Variants in NUTF2 observed in about 807,000 individuals in gnomAD.
NUTF2 encodes nuclear transport factor 2, also known as placental protein 15.
A neutral mutation model predicts 18.5 loss-of-function variants in NUTF2; 3 were observed. The ratio of observed to expected loss-of-function variants is 0.16; its 90% CI spans 0.07 to 0.42. The LOEUF (loss-of-function observed/expected upper bound fraction) is 0.42, where lower values mean the gene tolerates loss of function less well. Ranked by LOEUF, NUTF2 falls within the 10% of genes least tolerant of loss-of-function variation. NUTF2 has a pLI of 0.99. For synonymous variants in NUTF2, 51 were observed against 57.9 expected (o/e 0.88, Z 0.54); for missense variants, 44 against 160.7 (o/e 0.27, Z 3.93).
chr16:67,872,523 A>G lies in NUTF2; in HGVS notation c.*1610A>G, dbSNP rs1292016226. 1 of 152,242 alleles carries G rather than the reference A, an allele frequency of 6.6e-6. No individual in the cohort carries two copies. The highest frequency in any genetic ancestry group is 2.4e-5 in the African/African-American group (1 of 41,444). 9.4% of individuals were successfully genotyped at this position (152,242 alleles called of 1,614,324 possible). ...TAAAATCTGCAATACGGCTTCTTCCATGTACCTGTGCCTGAACTGTCTGCA... is the reference window on the plus strand; with the variant it reads ...TAAAATCTGCAATACGGCTTCTTCCGTGTACCTGTGCCTGAACTGTCTGCA... On this transcript the variant is annotated 3_prime_UTR_variant, in exon 5 of 5. Transcript: ENST00000219169.
chr16:67,852,979 G>T (rs988889812), intron 1 of NUTF2, among the ~76,000 whole-genome samples: 1 of 151,988 alleles, frequency 6.6e-6, no homozygotes, highest in East Asian at 1.9e-4. Context: ...CACCGCTCCC[G>T]GCCCTTTTTT....
At chr16:67,862,467 G>A (rs537610768) in intron 1 of NUTF2, among the ~76,000 whole-genome samples, 1 of 152,250 alleles carries the variant, frequency 6.6e-6, no homozygotes, top group East Asian at 1.9e-4. Context: ...CCAGGCCAAA[G>A]GGTCTTTCTC....
At chr16:67,864,987 A>C (rs755027411) in intron 1 of NUTF2, 115 bp from the exon 2 acceptor site, 2 of 602,664 alleles carry the variant, frequency 3.3e-6, no homozygotes, top group Admixed American at 5.6e-5. Flanking sequence ...GTGTTCTCTG[A>C]GAGAACAGAT....
chr16:67,848,030 A>G (rs1450724261), intron 1 of NUTF2, among the ~76,000 whole-genome samples: 2 of 152,194 alleles, frequency 1.3e-5, no homozygotes, highest in African/African-American at 4.8e-5. Context: ...TCACTTCCCA[A>G]CAACTGGAGC....
intron 2 of NUTF2, among the ~76,000 whole-genome samples, 180 bp from the exon 3 acceptor site, chr16:67,868,160 T>C (rs1364765770): frequency 1.3e-5 from 2 of 152,008 alleles, no homozygotes; most frequent in Non-Finnish European, 2.9e-5. Flanking sequence ...CCAGGGTCAA[T>C]GGGGTAGAAG....
At chr16:67,865,693 C>G (rs1424211489) in intron 2 of NUTF2, among the ~76,000 whole-genome samples, 1 of 151,702 alleles carries the variant, frequency 6.6e-6, no homozygotes, top group African/African-American at 2.4e-5. Flanking sequence ...TTCACAAACC[C>G]TTCTATGCAG....
rs551980046 is a variant in NUTF2 at position 67,870,936 on chromosome 16, C to T, written c.*23C>T. 113 of 1,513,166 alleles carry T rather than the reference C, an allele frequency of 7.5e-5. 1 individual carries two copies. The highest frequency in any genetic ancestry group is 5.1e-4 in the Middle Eastern group (3 of 5,862). 93.7% of individuals were successfully genotyped at this position (1,513,166 alleles called of 1,614,324 possible). ...TGACCTCCTCTCAGCTAGGCACTCA[C>T]GCTGTTTCCTCCTCCCTCCTCTTCC... On this transcript the variant is annotated 3_prime_UTR_variant, in exon 5 of 5. Transcript: ENST00000219169.
chr16:67,857,772 A>T (rs987082180), intron 1 of NUTF2, among the ~76,000 whole-genome samples: 6 of 152,224 alleles, frequency 3.9e-5, no homozygotes, highest in Admixed American at 1.3e-4. Flanking sequence ...GGACCTTGGG[A>T]ATGAGAGAGT....
chr16:67,867,093 T>A (rs1036925663), intron 2 of NUTF2, among the ~76,000 whole-genome samples: 1 of 151,882 alleles, frequency 6.6e-6, no homozygotes, highest in Non-Finnish European at 1.5e-5. Flanking sequence ...TGCCTCAGCC[T>A]CCCAAGTAGC....
At chr16:67,855,881 T>C in intron 1 of NUTF2, 1 of 419,082 alleles carries the variant, frequency 2.4e-6, no homozygotes, top group Non-Finnish European at 4.4e-6. Context: ...CCCGATTTTT[T>C]TTTGGCGGGG....
At chr16:67,852,351 C>CTT (rs75813171) in intron 1 of NUTF2, among the ~76,000 whole-genome samples, 3 of 140,644 alleles carry the variant, frequency 2.1e-5, no homozygotes. Flanking sequence ...ATCTTTTTTT[C>CTT]TTTTTTTTTT....
chr16:67,851,300 G>A (rs1223686580), intron 1 of NUTF2, among the ~76,000 whole-genome samples: 1 of 151,732 alleles, frequency 6.6e-6, no homozygotes, highest in Non-Finnish European at 1.5e-5. Context: ...GGCCAATATA[G>A]TGAAACTCTG....
At chr16:67,849,815 C>G (rs933118101) in intron 1 of NUTF2, among the ~76,000 whole-genome samples, 1 of 152,044 alleles carries the variant, frequency 6.6e-6, no homozygotes. Context: ...CCCACCACCA[C>G]GCCCAGCTAA....
At position 67,858,803 on chromosome 16, in the gene NUTF2, G is replaced by A. The variant is rs141689218; in HGVS notation, c.-29-6299G>A. Reference sequence around the variant, plus strand: ...CACCCCTCCTCAGACCATAAAATCGGGGGACTTCCAGAAGGACTGACACCC... The same window carrying A: ...CACCCCTCCTCAGACCATAAAATCGAGGGACTTCCAGAAGGACTGACACCC... On this transcript the variant is annotated intron_variant, in intron 1 of 4. Coordinates refer to ENST00000219169, the MANE Select transcript of NUTF2 (RefSeq NM_005796.3). 5.6e-3 allele frequency among the ~76,000 whole-genome samples: 845 copies of A among 152,160 alleles called. 7 individuals carry two copies. Among genetic ancestry groups the A allele is most frequent in the African/African-American group, 0.02 (827 of 41,500 alleles).
intron 1 of NUTF2, among the ~76,000 whole-genome samples, chr16:67,856,305 C>T (rs1026553794): frequency 1.3e-5 from 2 of 151,894 alleles, no homozygotes; most frequent in Non-Finnish European, 2.9e-5. Context: ...CAATTCTCTG[C>T]CTCAGCCTCC....
intron 1 of NUTF2, among the ~76,000 whole-genome samples, chr16:67,860,732 A>C (rs1015191894): frequency 1.3e-5 from 2 of 152,204 alleles, no homozygotes; most frequent in Non-Finnish European, 2.9e-5. Context: ...AGGCCATGCA[A>C]ATCTGCTGGC....
chr16:67,868,287 G>T, intron 2 of NUTF2, 53 bp from the exon 3 acceptor site: 1 of 1,550,536 alleles, frequency 6.4e-7, no homozygotes, highest in Non-Finnish European at 8.9e-7. Flanking sequence ...CAGGGCCTTA[G>T]AGATACTTGT....
intron 1 of NUTF2, 124 bp downstream of exon 1, chr16:67,847,109 A>C (rs2057807702): frequency 2.1e-5 from 3 of 144,390 alleles, no homozygotes; most frequent in African/African-American, 2.5e-5. Context: ...CGGCGGCCCG[A>C]AGCCGCGCGG....
intron 1 of NUTF2, among the ~76,000 whole-genome samples, chr16:67,864,789 G>C (rs2057959287): frequency 6.6e-6 from 1 of 152,180 alleles, no homozygotes; most frequent in South Asian, 2.1e-4. Context: ...GGGCTTTCAA[G>C]GGCCTGCTCT....
Sources: gnomAD v4.1 joint callset for allele counts (sites outside exome capture counted in the v4.1 genomes callset) on GRCh38, gnomAD v4.1.1 for gene constraint, MANE v1.5 for transcripts, NCBI Gene and HGNC (gene_info 2026-07-23, HGNC 2026-07-21) for gene names.